The following DMD variants were observed in gnomAD, a reference collection of about 807,000 sequenced individuals.
DMD encodes mutant dystrophin.
DMD carries 63 observed loss-of-function variants against 330.1 expected under a neutral mutation model. That is an observed-to-expected ratio of 0.19 (90% CI 0.16 to 0.24). The LOEUF (loss-of-function observed/expected upper bound fraction) is 0.24, where lower values mean the gene tolerates loss of function less well. DMD is among the 10% of genes least tolerant of loss of function. The probability of loss-of-function intolerance (pLI) is 1.00; values close to 1 mark genes in which losing one functional copy is unlikely to be tolerated. For synonymous variants in DMD, 1,223 were observed against 959.8 expected, an observed-to-expected ratio of 1.27 and a Z score of -5.07; for missense variants, 3,344 against 2,684.1, an observed-to-expected ratio of 1.25 and a Z score of -5.43.
intron 62 of DMD, among the ~76,000 whole-genome samples, chrX:31,286,592 T>C (rs948054289): frequency 8.9e-6 from 1 of 112,382 alleles, no homozygotes; most frequent in African/African-American, 3.2e-5. Flanking sequence ...ATTAGCAGCA[T>C]TAGCATCACC....
At chrX:32,022,230 G>C (rs1463148243) in intron 44 of DMD, among the ~76,000 whole-genome samples, 1 of 111,859 alleles carries the variant, frequency 8.9e-6, no homozygotes, top group Non-Finnish European at 1.9e-5. Context: ...TTATCACTGA[G>C]AAAGAAACCA....
intron 40 of DMD, 123 bp from the exon 41 acceptor site, chrX:32,342,405 G>A (rs887429211): frequency 1.5e-5 from 11 of 728,876 alleles, no homozygotes; most frequent in Non-Finnish European, 2.2e-5. Flanking sequence ...ATCCTTTGAA[G>A]TTTACAAATA....
intron 2 of DMD, among the ~76,000 whole-genome samples, chrX:32,885,503 T>C (rs774728859): frequency 8.9e-6 from 1 of 111,732 alleles, no homozygotes; most frequent in East Asian, 2.8e-4. Flanking sequence ...AACATGCACA[T>C]TACTTTTTAA....
intron 12 of DMD, among the ~76,000 whole-genome samples, chrX:32,598,008 C>G (rs1449441104): frequency 1.8e-5 from 2 of 112,184 alleles, no homozygotes; most frequent in East Asian, 2.8e-4. Flanking sequence ...CAGTCTAGCT[C>G]TTAGGTATTC....
At chrX:31,786,184 C>T (rs2091288187) in intron 50 of DMD, among the ~76,000 whole-genome samples, 1 of 111,880 alleles carries the variant, frequency 8.9e-6, no homozygotes, top group Non-Finnish European at 1.9e-5. Flanking sequence ...TTTTGATTTG[C>T]ATTTCTCTAA....
At chrX:32,584,822 C>T (rs760634259) in intron 13 of DMD, among the ~76,000 whole-genome samples, 1 of 111,668 alleles carries the variant, frequency 9.0e-6, no homozygotes, top group Non-Finnish European at 1.9e-5. Context: ...TGGTAACATA[C>T]TATCTTTTTC....
intron 41 of DMD, among the ~76,000 whole-genome samples, chrX:32,334,843 T>C (rs1156252169): frequency 9.0e-6 from 1 of 111,681 alleles, no homozygotes. Flanking sequence ...TAGAAAGTTA[T>C]AGAGTAAGGA....
chrX:32,924,901 C>T (rs931805291), intron 2 of DMD, among the ~76,000 whole-genome samples: 4 of 110,398 alleles, frequency 3.6e-5, no homozygotes, highest in African/African-American at 6.6e-5. Flanking sequence ...AAAGAAAGAA[C>T]ATTATAAATA....
chrX:32,926,727 G>A, intron 2 of DMD, among the ~76,000 whole-genome samples: 2 of 104,823 alleles, frequency 1.9e-5, no homozygotes, highest in Middle Eastern at 9.5e-3. Flanking sequence ...ACTCCTGCCT[G>A]GGAGACGGAG....
intron 47 of DMD, among the ~76,000 whole-genome samples, chrX:31,912,041 AACG>A (rs1415961758): frequency 9.0e-6 from 1 of 111,412 alleles, no homozygotes; most frequent in African/African-American, 3.3e-5. Context: ...GTGGATTTTA[AACG>A]ACAACTGGCG....
At chrX:32,224,913 A>G (rs2097142596) in intron 43 of DMD, among the ~76,000 whole-genome samples, 1 of 111,370 alleles carries the variant, frequency 9.0e-6, no homozygotes, top group Non-Finnish European at 1.9e-5. Context: ...ATTTCTCATA[A>G]CTTCACTTAT....
At chrX:32,446,291 A>G (rs947665510) in intron 27 of DMD, among the ~76,000 whole-genome samples, 5 of 110,613 alleles carry the variant, frequency 4.5e-5, no homozygotes, top group Non-Finnish European at 9.5e-5. Context: ...TGCAGAGCAG[A>G]CAGGACGAAG....
At chrX:32,499,479 G>C (rs761044639) in intron 19 of DMD, among the ~76,000 whole-genome samples, 2 of 111,264 alleles carry the variant, frequency 1.8e-5, no homozygotes, top group Admixed American at 1.9e-4. Context: ...GAAACTATAC[G>C]TGGTTAAGAG....
intron 2 of DMD, among the ~76,000 whole-genome samples, chrX:33,000,351 T>G (rs2093248760): frequency 1.8e-5 from 2 of 112,247 alleles, no homozygotes; most frequent in Non-Finnish European, 3.8e-5. Flanking sequence ...TATATGTAAT[T>G]GTTTCAAATT....
At chrX:31,214,680 C>T (rs138965244) in intron 64 of DMD, among the ~76,000 whole-genome samples, 1,568 of 110,765 alleles carry the variant, frequency 0.014, 13 homozygotes, top group Non-Finnish European at 0.02. Context: ...GAGTATCATA[C>T]CGCATATTAC....
At chrX:32,794,522 G>A in intron 7 of DMD, among the ~76,000 whole-genome samples, 1 of 111,717 alleles carries the variant, frequency 9.0e-6, no homozygotes, top group Middle Eastern at 4.6e-3. Context: ...CCTGGAGGCT[G>A]AGCTTGCAAT....
chrX:31,745,149 T>G (rs1415038144), intron 51 of DMD, among the ~76,000 whole-genome samples: 1 of 111,852 alleles, frequency 8.9e-6, no homozygotes, highest in Non-Finnish European at 1.9e-5. Flanking sequence ...GAGGATGAAC[T>G]CAATTAATAA....
chrX:32,892,676 C>T (rs893222370), intron 2 of DMD, among the ~76,000 whole-genome samples: 7 of 112,041 alleles, frequency 6.2e-5, no homozygotes, highest in African/African-American at 9.7e-5. Context: ...GGATTACAGG[C>T]GTGAGCCACC....
chrX:32,998,062 T>A (rs1161971934), intron 2 of DMD, among the ~76,000 whole-genome samples: 1 of 110,582 alleles, frequency 9.0e-6, no homozygotes, highest in Middle Eastern at 4.2e-3. Context: ...GAGTCCCAGT[T>A]AAGAAATAAA....
Sources: gnomAD v4.1 joint callset for allele counts (sites outside exome capture counted in the v4.1 genomes callset) on GRCh38, gnomAD v4.1.1 for gene constraint, MANE v1.5 for transcripts, NCBI Gene and HGNC (gene_info 2026-07-23, HGNC 2026-07-21) for gene names.